The following WAC variants were observed in gnomAD, a reference collection of about 807,000 sequenced individuals.
The protein encoded by WAC is WW domain containing adaptor with coiled-coil, also known as WW domain-containing adapter protein with coiled-coil.
WAC carries 11 observed loss-of-function variants against 79.6 expected under a neutral mutation model. That is an observed-to-expected ratio of 0.14 (90% confidence interval 0.09 to 0.23). The LOEUF (loss-of-function observed/expected upper bound fraction) is 0.23, where lower values mean the gene tolerates loss of function less well. WAC is among the 10% of genes least tolerant of loss of function. The pLI is 1.00. For synonymous variants in WAC, 304 were observed against 276.9 expected, an observed-to-expected ratio of 1.10 and a Z score of -0.97; for missense variants, 728 against 773.5, an observed-to-expected ratio of 0.94 and a Z score of 0.70.
At chr10:28,557,509 A>G (rs1838060216) in intron 3 of WAC, among the ~76,000 whole-genome samples, 1 of 152,146 alleles carries the variant, frequency 6.6e-6, no homozygotes, top group South Asian at 2.1e-4. Flanking sequence ...CCACCTGAAC[A>G]TAGTGAGACC....
Position 28,611,757 on chromosome 10 carries a change from G to A in WAC, c.1289-17G>A, listed in dbSNP as rs755089572. The A allele has an allele frequency of 1.2e-5, 20 of 1,600,666 alleles. No homozygotes were observed. Among genetic ancestry groups the A allele is most frequent in the Non-Finnish European group, 1.7e-5 (20 of 1,176,532 alleles). ...GTTTTGTTTTTCTTTAAAATTAATT[G>A]CTTCCCTCTTTTACAGCCCAGCCAT... On this transcript the variant is annotated splice_polypyrimidine_tract_variant and intron_variant, in intron 9 of 13. Transcript: ENST00000354911.
Position 28,614,623 on chromosome 10 carries a change from T to C in WAC, c.1494T>C (p.Pro498=). Residue 498 remains proline, a synonymous_variant, in exon 11 of 14, where the codon CCT becomes CCC. Transcript: ENST00000354911. ...GPVSQSATQQ[P]VTADKQQGHE... Reference sequence around the variant, plus strand: ...TGTCACAGTCAGCCACACAGCAGCCTGTAACTGCTGACAAGCAGCAAGGTC... The same window carrying C: ...TGTCACAGTCAGCCACACAGCAGCCCGTAACTGCTGACAAGCAGCAAGGTC... 6.2e-7 allele frequency: 1 copy of C among 1,614,204 alleles called. No homozygotes were observed. Among genetic ancestry groups the C allele is most frequent in the Non-Finnish European group, 8.5e-7 (1 of 1,180,024 alleles).
intron 2 of WAC, 89 bp downstream of exon 2, chr10:28,534,123 TA>T: frequency 7.6e-7 from 1 of 1,312,206 alleles, no homozygotes; most frequent in Non-Finnish European, 1.0e-6. Flanking sequence ...CAGAAGTCGA[TA>T]CAGGCCCTTC....
intron 3 of WAC, among the ~76,000 whole-genome samples, chr10:28,571,227 G>T (rs1222856793): frequency 1.3e-5 from 2 of 152,042 alleles, no homozygotes; most frequent in Non-Finnish European, 2.9e-5. Context: ...ACCATGCCTG[G>T]CCCTTAAATA....
intron 3 of WAC, among the ~76,000 whole-genome samples, chr10:28,560,808 G>C (rs1013990643): frequency 3.9e-5 from 6 of 152,150 alleles, no homozygotes; most frequent in Non-Finnish European, 8.8e-5. Flanking sequence ...GGAAGTGAAG[G>C]GGTGTTGCCA....
chr10:28,574,597 C>T (rs916662186), intron 3 of WAC, among the ~76,000 whole-genome samples: 4 of 151,900 alleles, frequency 2.6e-5, no homozygotes, highest in East Asian at 1.9e-4. Context: ...CACACAGCAC[C>T]GCACCCAGCT....
chr10:28,578,849 C>T (rs941110330), intron 3 of WAC, among the ~76,000 whole-genome samples: 3 of 152,114 alleles, frequency 2.0e-5, no homozygotes, highest in South Asian at 4.2e-4. Flanking sequence ...TCTCTTGTAC[C>T]GACCCTTGGA....
rs1476543498 is a variant in WAC at position 28,544,795 on chromosome 10, G to A, written c.274+9038G>A. ...AAAACAGAAAACGGCCAGGCGCGGT[G>A]GCTCACGCCTGTAATGCCAGCACTT... is the stretch of plus-strand genomic sequence containing the variant. On this transcript the variant is annotated intron_variant, in intron 3 of 13. Transcript: ENST00000354911. 2.6e-5 allele frequency among the ~76,000 whole-genome samples: 4 copies of A among 152,082 alleles called. No individual in the cohort carries two copies. The East Asian group carries it at 7.7e-4, about 29-fold the overall frequency.
chr10:28,554,048 G>A (rs1455380635), intron 3 of WAC, among the ~76,000 whole-genome samples: 1 of 152,078 alleles, frequency 6.6e-6, no homozygotes, highest in Non-Finnish European at 1.5e-5. Flanking sequence ...TGTATTTTTA[G>A]TAAGAGATGG....
intron 3 of WAC, among the ~76,000 whole-genome samples, chr10:28,561,617 T>C (rs1838303539): frequency 6.6e-6 from 1 of 152,146 alleles, no homozygotes; most frequent in African/African-American, 2.4e-5. Flanking sequence ...GGTGGGATAA[T>C]GGGTGAAATA....
intron 13 of WAC, chr10:28,618,036 GA>G: frequency 3.9e-6 from 1 of 253,404 alleles, no homozygotes; most frequent in South Asian, 6.4e-5. Flanking sequence ...ATATATTACT[GA>G]AAAAATGAAA....
chr10:28,588,184 A>AATAATTT (rs1839917013), intron 4 of WAC, among the ~76,000 whole-genome samples: 2 of 152,156 alleles, frequency 1.3e-5, no homozygotes, highest in African/African-American at 2.4e-5. Context: ...TCAGTTGCAT[A>AATAATTT]ATAATTTATG....
chr10:28,608,252 G>A lies in WAC; in HGVS notation c.986G>A (p.Gly329Glu). The change falls in exon 8 of 14, where the codon GGA becomes GAA. Residue 329 changes from glycine to glutamate, a missense_variant. Gly to Glu is a moderately conservative substitution (Grantham distance 98). Around this residue, in one of 3 missense-constraint regions of WAC, gnomAD observed 648 missense variants for 661.5 expected, o/e 0.98. Coordinates refer to ENST00000354911, the MANE Select transcript of WAC (RefSeq NM_016628.5). ...CTTPSTSSASGLNPTSAPPTS... is the reference protein window; with the variant it reads ...CTTPSTSSASELNPTSAPPTS... ...ACTCCTTCCACGTCTTCTGCCTCTG[G>A]ACTGAACCCCACATCTGCACCTCCA... The A allele has an allele frequency of 6.2e-7, 1 of 1,614,072 alleles. No individual in the cohort carries two copies. The highest frequency in any genetic ancestry group is 8.5e-7 in the Non-Finnish European group (1 of 1,180,022).
intron 7 of WAC, among the ~76,000 whole-genome samples, chr10:28,606,540 G>A (rs1485566241): frequency 7.2e-6 from 1 of 139,710 alleles, no homozygotes; most frequent in East Asian, 2.2e-4. Context: ...TTTTTGAAAT[G>A]TACTTAAATC....
intron 3 of WAC, among the ~76,000 whole-genome samples, chr10:28,571,310 A>G (rs1259916408): frequency 6.6e-6 from 1 of 152,168 alleles, no homozygotes; most frequent in East Asian, 1.9e-4. Context: ...TAAAAGTGAA[A>G]AGTAAATAAT....
At chr10:28,564,234 T>G (rs1163193952) in intron 3 of WAC, among the ~76,000 whole-genome samples, 1 of 152,100 alleles carries the variant, frequency 6.6e-6, no homozygotes, top group Non-Finnish European at 1.5e-5. Flanking sequence ...CACTGCACGA[T>G]AGAGCCAGAC....
At position 28,611,910 on chromosome 10, in the gene WAC, A is replaced by G; in HGVS notation, c.1425A>G (p.Ser475=). The G allele has an allele frequency of 6.2e-7, 1 of 1,613,464 alleles. No individual in the cohort carries two copies. ...CTTTGATCAGTACTCCTCCTGTTTC[A>G]TCACAGCCAAAGGTATGTCACCTTT... ...IKPLISTPPV[S]SQPKVSTPVV... The change falls in exon 10 of 14, where the codon TCA becomes TCG. Residue 475 remains serine, a synonymous_variant. Coordinates refer to ENST00000354911, the MANE Select transcript of WAC (RefSeq NM_016628.5).
At chr10:28,591,114 C>G (rs997772506) in intron 6 of WAC, 10 of 318,752 alleles carry the variant, frequency 3.1e-5, no homozygotes, top group East Asian at 9.6e-5. Flanking sequence ...TTCCCCTGAT[C>G]CCCCCAGACA....
chr10:28,566,752 A>C (rs1486702185), intron 3 of WAC, among the ~76,000 whole-genome samples: 2 of 152,250 alleles, frequency 1.3e-5, no homozygotes, highest in Non-Finnish European at 2.9e-5. Context: ...TTTGTAAGTG[A>C]TATGCTTCTG....
Sources: gnomAD v4.1 joint callset for allele counts (sites outside exome capture counted in the v4.1 genomes callset) on GRCh38, gnomAD v4.1.1 for gene constraint, gnomAD v4.1.1 regional missense constraint, MANE v1.5 for transcripts, NCBI Gene and HGNC (gene_info 2026-07-23, HGNC 2026-07-21) for gene names.